VKORC1L1: variants seen among roughly 807,000 people sequenced by gnomAD.
VKORC1L1 encodes the protein vitamin K epoxide reductase complex subunit 1L1, also known as vitamin K epoxide reductase complex subunit 1-like protein 1.
A neutral mutation model predicts 18.9 loss-of-function variants in VKORC1L1; 2 were observed. That is an observed-to-expected ratio of 0.11 (90% CI 0.04 to 0.33). The LOEUF is 0.33. VKORC1L1 is among the 10% of genes least tolerant of loss of function. The pLI is 1.00. For synonymous variants in VKORC1L1, 96 were observed against 100.0 expected (o/e 0.96, Z 0.24); for missense variants, 123 against 224.1 (o/e 0.55, Z 2.88).
At chr7:65,934,504 T>G (rs1453776167) in intron 1 of VKORC1L1, among the ~76,000 whole-genome samples, 3 of 152,136 alleles carry the variant, frequency 2.0e-5, no homozygotes, top group Non-Finnish European at 2.9e-5. Context: ...TGTCTGAGAT[T>G]TTTGTATCCT....
intron 1 of VKORC1L1, among the ~76,000 whole-genome samples, chr7:65,916,785 A>G (rs1014651354): frequency 6.6e-6 from 1 of 151,908 alleles, no homozygotes; most frequent in African/African-American, 2.4e-5. Flanking sequence ...TTTAGTAGAA[A>G]CGGGGTTTCT....
chr7:65,948,847 A>G lies in VKORC1L1; in HGVS notation c.304+67A>G, dbSNP rs1790163388. On this transcript the variant is annotated intron_variant, in intron 2 of 2. Transcript: ENST00000360768. The stretch of plus-strand genomic sequence containing the variant: ...TTTAGTACTTTGTGTCTTTGCCCTG[A>G]AGTGTCTTGATGTTAAAGCATGTGT... 31 of 1,438,786 alleles carry G rather than the reference A, an allele frequency of 2.2e-5. No individual in the cohort carries two copies. In the South Asian group the frequency reaches 3.9e-4, roughly 18 times the overall value. 89.1% of individuals were successfully genotyped at this position (1,438,786 alleles called of 1,614,324 possible). A position where few individuals can be genotyped will look rare whatever the true frequency, so the allele number is the denominator to read the frequency against.
chr7:65,871,330 G>C (rs1788723106), upstream of VKORC1L1, among the ~76,000 whole-genome samples: 1 of 152,000 alleles, frequency 6.6e-6, no homozygotes, highest in African/African-American at 2.4e-5. Context: ...CAAGTAGCTG[G>C]GTTTACAGGC....
At chr7:65,907,342 C>T (rs1257360769) in intron 1 of VKORC1L1, among the ~76,000 whole-genome samples, 1 of 152,112 alleles carries the variant, frequency 6.6e-6, no homozygotes, top group Non-Finnish European at 1.5e-5. Context: ...GAGGCTGAGG[C>T]ATGAGAATCG....
At chr7:65,944,213 A>T (rs571433909) in intron 1 of VKORC1L1, among the ~76,000 whole-genome samples, 144 of 151,918 alleles carry the variant, frequency 9.5e-4, no homozygotes, top group Non-Finnish European at 1.4e-3. Context: ...CCAAAAATAA[A>T]AAAAATTAGC....
rs929617261 is a variant in VKORC1L1 at position 65,954,242 on chromosome 7, A to G, written c.473A>G (p.Lys158Arg). 6.8e-6 allele frequency: 11 copies of G among 1,613,320 alleles called. No individual in the cohort carries two copies. The highest frequency in any genetic ancestry group is 9.3e-6 in the Non-Finnish European group (11 of 1,179,642). ...LNFLLLIINY[K>R]RLVYLNEAWK... The stretch of plus-strand genomic sequence containing the variant: ...TTCCTTCTTCTCATTATCAACTACA[A>G]ACGACTAGTTTACTTGAACGAGGCC... Residue 158 changes from lysine to arginine, a missense_variant, in exon 3 of 3, where the codon AAA becomes AGA. Coordinates refer to ENST00000360768, the MANE Select transcript of VKORC1L1 (RefSeq NM_173517.6).
At chr7:65,930,672 C>A (rs2115662372) in intron 1 of VKORC1L1, among the ~76,000 whole-genome samples, 1 of 152,176 alleles carries the variant, frequency 6.6e-6, no homozygotes, top group Middle Eastern at 3.4e-3. Context: ...GTGCCATCTA[C>A]AAATTGAGTT....
intron 1 of VKORC1L1, among the ~76,000 whole-genome samples, chr7:65,895,734 T>G (rs1208727364): frequency 2.0e-4 from 30 of 151,506 alleles, no homozygotes; most frequent in Admixed American, 2.0e-3. Flanking sequence ...ATCAGATCAC[T>G]GGCACAGAGC....
At chr7:65,870,590 A>G (rs1443563523), upstream of VKORC1L1, among the ~76,000 whole-genome samples, 1 of 152,208 alleles carries the variant, frequency 6.6e-6, no homozygotes, top group Non-Finnish European at 1.5e-5. Flanking sequence ...AATATAATGG[A>G]CTATTATACA....
At chr7:65,876,904 G>A (rs1385651796) in intron 1 of VKORC1L1, among the ~76,000 whole-genome samples, 1 of 152,108 alleles carries the variant, frequency 6.6e-6, no homozygotes, top group Non-Finnish European at 1.5e-5. Context: ...ACGTTAACCG[G>A]GCATGGTGGC....
Position 65,958,665 on chromosome 7 carries a change from T to C in VKORC1L1, c.*4365T>C, listed in dbSNP as rs559089294. Reference sequence around the variant, plus strand: ...GAAGTCAATACTGTAACCTCATTTCTAAGGTATACAGGGTTGATTCTTTTT... The same window carrying C: ...GAAGTCAATACTGTAACCTCATTTCCAAGGTATACAGGGTTGATTCTTTTT... On this transcript the variant is annotated 3_prime_UTR_variant, in exon 3 of 3. Transcript: ENST00000360768. The C allele has an allele frequency of 4.4e-4, 67 of 152,344 alleles. 2 individuals are homozygous for C. Among genetic ancestry groups the C allele is most frequent in the East Asian group, 1.9e-4 (1 of 5,182 alleles). 9.4% of individuals were successfully genotyped at this position (152,344 alleles called of 1,614,324 possible).
At chr7:65,894,589 A>G (rs1024890330) in intron 1 of VKORC1L1, among the ~76,000 whole-genome samples, 1 of 152,066 alleles carries the variant, frequency 6.6e-6, no homozygotes, top group African/African-American at 2.4e-5. Context: ...TTAACTGGGC[A>G]TGGTGGTGGG....
chr7:65,906,915 C>T (rs1041692455), intron 1 of VKORC1L1, among the ~76,000 whole-genome samples: 20 of 152,222 alleles, frequency 1.3e-4, no homozygotes, highest in South Asian at 1.2e-3. Context: ...GGTTGGGGAC[C>T]TTGAACTTGT....
At chr7:65,890,424 C>T (rs957138485) in intron 1 of VKORC1L1, among the ~76,000 whole-genome samples, 9 of 151,976 alleles carry the variant, frequency 5.9e-5, no homozygotes, top group African/African-American at 2.2e-4. Context: ...AGCCACCACA[C>T]CCAGCCCCTA....
intron 1 of VKORC1L1, among the ~76,000 whole-genome samples, chr7:65,889,329 A>G (rs1306702980): frequency 6.6e-5 from 10 of 152,142 alleles, no homozygotes; most frequent in Non-Finnish European, 1.5e-4. Context: ...CCCAAAACTA[A>G]TAAATTCAGT....
chr7:65,909,904 GAC>G (rs1357863510), intron 1 of VKORC1L1, among the ~76,000 whole-genome samples: 2 of 151,984 alleles, frequency 1.3e-5, no homozygotes, highest in African/African-American at 4.8e-5. Context: ...TTTTAATAGA[GAC>G]AGGGTTTCAG....
intron 1 of VKORC1L1, among the ~76,000 whole-genome samples, chr7:65,933,954 C>T (rs1317729118): frequency 1.3e-5 from 2 of 152,028 alleles, no homozygotes; most frequent in African/African-American, 4.8e-5. Flanking sequence ...CTTAATCCTC[C>T]CCCGCCTTAT....
intron 1 of VKORC1L1, among the ~76,000 whole-genome samples, chr7:65,874,039 G>A (rs1173489121): frequency 6.6e-6 from 1 of 152,212 alleles, no homozygotes; most frequent in Non-Finnish European, 1.5e-5. Context: ...TGGGGCCGGC[G>A]CGGAGACAGG....
intron 1 of VKORC1L1, among the ~76,000 whole-genome samples, chr7:65,945,561 G>A (rs1445222826): frequency 6.6e-6 from 1 of 151,864 alleles, no homozygotes; most frequent in Non-Finnish European, 1.5e-5. Context: ...GCAGTGAGCC[G>A]AGATCGCGCC....
Sources: allele counts gnomAD v4.1 joint callset (sites outside exome capture counted in the v4.1 genomes callset), GRCh38; gene constraint gnomAD v4.1.1; transcripts MANE v1.5; gene names NCBI Gene and HGNC (gene_info 2026-07-23, HGNC 2026-07-21).